Variants in DNMBP observed in about 807,000 individuals in gnomAD.
DNMBP encodes dynamin-binding protein.
In DNMBP, 87 loss-of-function variants were observed where a neutral mutation model predicts 150.0. That is an observed-to-expected ratio of 0.58 (90% CI 0.49 to 0.69). The LOEUF is 0.69. Ranked by LOEUF, DNMBP falls within the 30% of genes least tolerant of loss-of-function variation. The probability of loss-of-function intolerance (pLI) is 0.00; values close to 1 mark genes in which losing one functional copy is unlikely to be tolerated. For synonymous variants in DNMBP, 711 were observed against 750.4 expected, an observed-to-expected ratio of 0.95 and a Z score of 0.86; for missense variants, 1,774 against 1,949.0, an observed-to-expected ratio of 0.91 and a Z score of 1.69.
intron 1 of DNMBP, among the ~76,000 whole-genome samples, chr10:99,974,183 GT>G (rs1192939852): frequency 6.6e-6 from 1 of 152,158 alleles, no homozygotes; most frequent in Non-Finnish European, 1.5e-5. Context: ...AAAGGACTAT[GT>G]AGATGGCACC....
intron 4 of DNMBP, chr10:99,914,004 AG>A: frequency 1.3e-6 from 2 of 1,508,492 alleles, no homozygotes; most frequent in South Asian, 1.3e-5. Flanking sequence ...GAGGGTAAGC[AG>A]GCGGGACAGA....
At chr10:99,897,445 A>G (rs2039671896) in intron 9 of DNMBP, among the ~76,000 whole-genome samples, 1 of 152,218 alleles carries the variant, frequency 6.6e-6, no homozygotes, top group African/African-American at 2.4e-5. Context: ...AAAAAAGTCT[A>G]TGCATGGACT....
At chr10:99,947,514 T>A (rs2133315546) in intron 4 of DNMBP, among the ~76,000 whole-genome samples, 1 of 137,052 alleles carries the variant, frequency 7.3e-6, no homozygotes, top group South Asian at 2.6e-4. Flanking sequence ...ACACACTGGG[T>A]ACACATGGAC....
intron 3 of DNMBP, 22 bp downstream of exon 3, chr10:99,969,093 T>C: frequency 6.2e-7 from 1 of 1,612,028 alleles, no homozygotes; most frequent in East Asian, 2.2e-5. Flanking sequence ...TCAAATAGTC[T>C]ACTATTTGAT....
intron 1 of DNMBP, among the ~76,000 whole-genome samples, chr10:100,000,859 CAAAAAAAAAAAA>C (rs36026874): frequency 0.03 from 1,578 of 52,536 alleles, 43 homozygotes; most frequent in Middle Eastern, 0.096. Flanking sequence ...CCTGTTATGG[CAAAAAAAAAAAA>C]AAAAAAAAAA....
At chr10:99,908,255 T>C (rs1212106008) in intron 5 of DNMBP, among the ~76,000 whole-genome samples, 161 bp from the exon 6 acceptor site, 1 of 152,216 alleles carries the variant, frequency 6.6e-6, no homozygotes. Flanking sequence ...CAACATTATC[T>C]TTAGTGTCAT....
intron 4 of DNMBP, among the ~76,000 whole-genome samples, chr10:99,949,067 G>GC (rs2040392101): frequency 6.6e-6 from 1 of 152,054 alleles, no homozygotes; most frequent in Non-Finnish European, 1.5e-5. Context: ...TGTGGGTCTG[G>GC]CACAGCACTG....
intron 4 of DNMBP, among the ~76,000 whole-genome samples, chr10:99,915,108 A>AAAATATATATATATAT (rs10654940): frequency 1.0e-5 from 1 of 99,802 alleles, no homozygotes; most frequent in Admixed American, 1.3e-4. Flanking sequence ...AAAAAAAAAA[A>AAAATATATATATATAT]ATATATATAT....
intron 11 of DNMBP, among the ~76,000 whole-genome samples, chr10:99,890,854 C>G (rs188099629): frequency 1.6e-4 from 24 of 152,254 alleles, no homozygotes; most frequent in Non-Finnish European, 2.1e-4. Flanking sequence ...ACCACGTTGG[C>G]CAGGTTGGTC....
intron 4 of DNMBP, chr10:99,929,667 C>A (rs748110058): frequency 1.4e-6 from 1 of 702,126 alleles, no homozygotes; most frequent in Non-Finnish European, 2.6e-6. Context: ...GGGTGCTGTG[C>A]GGCGGAGGCA....
In DNMBP at chr10:99,956,790, G is replaced by A. The variant is rs2040502305; in HGVS notation, c.684C>T (p.Thr228=). ...DDCIVNGEVD[T]PVGEEEIGPD... is the part of the protein sequence containing the mutation. ...GCCCTATCTCTTCTTCTCCTACAGG[G>A]GTATCTACTTCACCATTAACAATGC... is the stretch of plus-strand genomic sequence containing the variant. Residue 228 remains threonine (T), a synonymous_variant, in exon 4 of 17, where the codon ACC becomes ACT. Transcript: ENST00000324109. 1 of 1,613,958 alleles carries A rather than the reference G, an allele frequency of 6.2e-7. No individual in the cohort carries two copies. Among genetic ancestry groups the A allele is most frequent in the Non-Finnish European group, 8.5e-7 (1 of 1,179,992 alleles).
intron 12 of DNMBP, 152 bp downstream of exon 12, chr10:99,888,673 T>C: frequency 3.4e-6 from 3 of 875,138 alleles, no homozygotes; most frequent in Non-Finnish European, 1.7e-6. Context: ...GAAAGTCATG[T>C]TGTGAATATC....
chr10:100,005,535 C>G (rs1319246537), intron 1 of DNMBP, among the ~76,000 whole-genome samples: 1 of 152,088 alleles, frequency 6.6e-6, no homozygotes, highest in Non-Finnish European at 1.5e-5. Flanking sequence ...AGGCGGATCA[C>G]CTGAGGTCAG....
chr10:99,918,643 T>C (rs945547439), intron 4 of DNMBP, among the ~76,000 whole-genome samples: 9 of 148,782 alleles, frequency 6.0e-5, no homozygotes, highest in African/African-American at 2.3e-4. Context: ...CTGGGCTCAC[T>C]GCAACCTCCG....
intron 1 of DNMBP, among the ~76,000 whole-genome samples, chr10:99,972,458 G>A (rs1053879051): frequency 1.3e-5 from 2 of 151,732 alleles, no homozygotes; most frequent in Non-Finnish European, 2.9e-5. Context: ...TTTACTAGAG[G>A]CAGGGTTTCA....
intron 1 of DNMBP, among the ~76,000 whole-genome samples, chr10:99,981,101 A>G (rs1294201070): frequency 6.6e-6 from 1 of 152,212 alleles, no homozygotes. Context: ...ATTTTATGTT[A>G]TGTACACTTA....
At position 99,921,377 on chromosome 10, in the gene DNMBP, C is replaced by T. The variant is rs1183355091; in HGVS notation, c.2261-12231G>A. On this transcript the variant is annotated intron_variant, in intron 4 of 16. Coordinates refer to ENST00000324109, the MANE Select transcript of DNMBP (RefSeq NM_015221.4). ...CTTGCTATTTAACTTCTGATACACA[C>T]ATTCTGGGACCCAAAGTAGAATATT... Among the ~76,000 whole-genome samples, 3 of 152,232 alleles carry T rather than the reference C, an allele frequency of 2.0e-5. No homozygotes were observed. In the South Asian group the frequency reaches 6.2e-4, roughly 31 times the overall value.
rs527395031 is a variant in DNMBP at position 99,908,004 on chromosome 10, C to G, written c.2545G>C (p.Asp849His). Residue 849 changes from aspartate (D) to histidine (H), a missense_variant, in exon 6 of 17, where the codon GAT (aspartate) becomes CAT (histidine). This residue lies in a region of DNMBP where 1,430 missense variants were observed against 1,492.5 expected (regional missense o/e 0.96). Transcript: ENST00000324109. The stretch of plus-strand genomic sequence containing the variant: ...ACACAGGAGCTCATACCTACAGCAT[C>G]GCTGATTTCCAGAGCAGCCAATAAT... Reference protein sequence around the residue: ...KQLLAALEISDAVGPVFLGHR... With the variant: ...KQLLAALEISHAVGPVFLGHR... 1 of 1,613,420 alleles carries G rather than the reference C, an allele frequency of 6.2e-7. No homozygotes were observed.
chr10:99,955,638 T>G lies in DNMBP; in HGVS notation c.1836A>C (p.Pro612=), dbSNP rs1344408765. Residue 612 remains proline, a synonymous_variant, in exon 4 of 17, where the codon CCA becomes CCC. Coordinates refer to ENST00000324109, the MANE Select transcript of DNMBP (RefSeq NM_015221.4). The part of the protein sequence containing the change: ...PERRKALRPP[P]PRPCTPVSTS... ...TGGATACCGGAGTACAGGGACGAGG[T>G]GGCGGTGGCCTTAGGGCCTTTCTCC... The G allele has an allele frequency of 6.2e-7, 1 of 1,614,188 alleles. No individual in the cohort carries two copies. The highest frequency in any genetic ancestry group is 1.7e-5 in the Admixed American group (1 of 60,028).
Sources: gnomAD v4.1 joint callset for allele counts (sites outside exome capture counted in the v4.1 genomes callset) on GRCh38, gnomAD v4.1.1 for gene constraint, gnomAD v4.1.1 regional missense constraint, MANE v1.5 for transcripts, NCBI Gene and HGNC (gene_info 2026-07-23, HGNC 2026-07-21) for gene names.